Variants in VAV3 observed in about 807,000 individuals in gnomAD.
VAV3 encodes the protein vav guanine nucleotide exchange factor 3, also known as guanine nucleotide exchange factor VAV3.
A neutral mutation model predicts 131.2 loss-of-function variants in VAV3; 94 were observed. The observed-to-expected ratio is 0.72, with a 90% CI of 0.61 to 0.85. The LOEUF is 0.85. Among genes scored for constraint, VAV3 ranks in the 40% least tolerant of loss-of-function variants. The pLI, the probability that VAV3 is intolerant of heterozygous loss-of-function variation, is 0.00. For missense variants in VAV3, 939 were observed against 1,002.7 expected, an observed-to-expected ratio of 0.94 and a Z score of 0.86; for synonymous variants, 349 against 342.0, an observed-to-expected ratio of 1.02 and a Z score of -0.22.
chr1:107,604,501 C>G (rs1026853791), intron 22 of VAV3, among the ~76,000 whole-genome samples: 3 of 152,166 alleles, frequency 2.0e-5, no homozygotes, highest in African/African-American at 7.2e-5. Context: ...TCACTAGTCT[C>G]CAGCCTTCTT....
intron 2 of VAV3, among the ~76,000 whole-genome samples, chr1:107,821,302 G>A (rs1667782663): frequency 6.6e-6 from 1 of 152,140 alleles, no homozygotes; most frequent in Non-Finnish European, 1.5e-5. Flanking sequence ...ACAAAAAAGA[G>A]TAAGAATGTC....
intron 2 of VAV3, among the ~76,000 whole-genome samples, chr1:107,852,997 T>G (rs888101197): frequency 2.7e-5 from 4 of 149,342 alleles, no homozygotes; most frequent in Admixed American, 6.7e-5. Flanking sequence ...GGCTTGTAGG[T>G]TTTTTTTTTA....
At chr1:107,682,498 T>G (rs1445660660) in intron 19 of VAV3, among the ~76,000 whole-genome samples, 1 of 152,006 alleles carries the variant, frequency 6.6e-6, no homozygotes, top group Non-Finnish European at 1.5e-5. Context: ...AGAACCCCTG[T>G]TTTTTTAATG....
intron 9 of VAV3, among the ~76,000 whole-genome samples, chr1:107,764,417 T>C (rs1481385901): frequency 6.6e-6 from 1 of 152,264 alleles, no homozygotes; most frequent in African/African-American, 2.4e-5. Flanking sequence ...TCACATGTTA[T>C]TTAATCCTAC....
intron 19 of VAV3, among the ~76,000 whole-genome samples, chr1:107,662,333 A>C (rs1391914523): frequency 1.3e-5 from 2 of 152,176 alleles, no homozygotes; most frequent in Non-Finnish European, 2.9e-5. Flanking sequence ...AGCTCAAAAA[A>C]CATGCACAAA....
At chr1:107,806,437 T>C (rs1557858701) in intron 2 of VAV3, among the ~76,000 whole-genome samples, 2 of 152,056 alleles carry the variant, frequency 1.3e-5, no homozygotes, top group East Asian at 3.9e-4. Context: ...CTTGCTGCTG[T>C]ACATTTGATT....
chr1:107,659,535 G>A (rs1265181220), intron 19 of VAV3, among the ~76,000 whole-genome samples: 2 of 152,064 alleles, frequency 1.3e-5, no homozygotes, highest in Admixed American at 1.3e-4. Flanking sequence ...CAAAGTGATT[G>A]TTCTTTTTAT....
chr1:107,754,087 C>T (rs1405788159), intron 12 of VAV3, among the ~76,000 whole-genome samples: 3 of 152,108 alleles, frequency 2.0e-5, no homozygotes, highest in South Asian at 2.1e-4. Context: ...CCTTGTAATA[C>T]AGCAAAATAT....
Position 107,649,307 on chromosome 1 carries a change from C to A in VAV3, c.1778-6552G>T, listed in dbSNP as rs1002436796. Among the ~76,000 whole-genome samples the A allele has an allele frequency of 3.3e-5, 5 of 152,138 alleles. No individual in the cohort carries two copies. In the South Asian group the frequency reaches 8.3e-4, roughly 25 times the overall value. On this transcript the variant is annotated intron_variant, in intron 19 of 26. Coordinates refer to ENST00000370056, the MANE Select transcript of VAV3 (RefSeq NM_006113.5). ...GGCTTAACATGTGAGACACCAGCGG[C>A]TGAAGAGGAGGCCAAGAGAGACAGT...
At chr1:107,833,208 A>T (rs1668328715) in intron 2 of VAV3, among the ~76,000 whole-genome samples, 1 of 152,224 alleles carries the variant, frequency 6.6e-6, no homozygotes, top group Non-Finnish European at 1.5e-5. Context: ...TACTCCAGTA[A>T]ATACACAAAT....
At chr1:107,852,401 A>T (rs1439060011) in intron 2 of VAV3, among the ~76,000 whole-genome samples, 1 of 152,206 alleles carries the variant, frequency 6.6e-6, no homozygotes, top group Non-Finnish European at 1.5e-5. Context: ...ATAGAAAAGG[A>T]ATAAAAACCA....
intron 2 of VAV3, among the ~76,000 whole-genome samples, chr1:107,867,106 A>C (rs566569083): frequency 1.3e-5 from 2 of 152,338 alleles, no homozygotes; most frequent in Non-Finnish European, 2.9e-5. Flanking sequence ...ATATCTCATA[A>C]ATACAATATG....
chr1:107,765,430 A>G (rs926945534), intron 8 of VAV3, among the ~76,000 whole-genome samples: 1 of 152,230 alleles, frequency 6.6e-6, no homozygotes, highest in Non-Finnish European at 1.5e-5. Context: ...CAGAATTTAC[A>G]AACTGGCTTG....
intron 1 of VAV3, among the ~76,000 whole-genome samples, chr1:107,883,243 C>T (rs1216140836): frequency 6.6e-6 from 1 of 151,974 alleles, no homozygotes; most frequent in Non-Finnish European, 1.5e-5. Context: ...ACACATGCAC[C>T]CTCTTTGCTC....
At chr1:107,878,465 T>C (rs577550039) in intron 1 of VAV3, among the ~76,000 whole-genome samples, 2 of 152,314 alleles carry the variant, frequency 1.3e-5, no homozygotes, top group East Asian at 1.9e-4. Context: ...TTTAATGACA[T>C]TGACTTTTTG....
Position 107,573,221 on chromosome 1 carries a change from A to T in VAV3, c.*110T>A. The T allele has an allele frequency of 9.6e-6, 12 of 1,252,276 alleles. No individual in the cohort carries two copies. Among genetic ancestry groups the T allele is most frequent in the Non-Finnish European group, 1.2e-5 (11 of 890,154 alleles). 77.6% of individuals were successfully genotyped at this position (1,252,276 alleles called of 1,614,324 possible). ...GGGCTAAGGAGGGAGGATGTTGAAC[A>T]GCCAGAAATGCAGCTTTTTAAACAC... On this transcript the variant is annotated 3_prime_UTR_variant, in exon 27 of 27. Coordinates refer to ENST00000370056, the MANE Select transcript of VAV3 (RefSeq NM_006113.5).
rs2101436374 is a variant in VAV3 at position 107,965,163 on chromosome 1, A to G, written c.-294T>C. On this transcript the variant is annotated 5_prime_UTR_variant, in exon 1 of 27. Transcript: ENST00000370056. ...CTGCCGCGCACAGGCTTCCGACTCC[A>G]GCGCCCGGCCCGCCACTGAGCATGC... is the stretch of plus-strand genomic sequence containing the variant. 1 of 149,582 alleles carries G rather than the reference A, an allele frequency of 6.7e-6. No homozygotes were observed. Among genetic ancestry groups the G allele is most frequent in the Non-Finnish European group, 1.5e-5 (1 of 67,036 alleles). 9.3% of individuals were successfully genotyped at this position (149,582 alleles called of 1,614,324 possible). A position where few individuals can be genotyped will look rare whatever the true frequency, so the allele number is the denominator to read the frequency against.
intron 1 of VAV3, among the ~76,000 whole-genome samples, chr1:107,954,997 G>T (rs185276217): frequency 7.2e-5 from 11 of 152,302 alleles, no homozygotes; most frequent in Non-Finnish European, 1.5e-4. Flanking sequence ...ATGAGATAAT[G>T]CATGGAAAGC....
At chr1:107,758,582 C>T (rs930910244) in intron 10 of VAV3, among the ~76,000 whole-genome samples, 1 of 151,920 alleles carries the variant, frequency 6.6e-6, no homozygotes, top group African/African-American at 2.4e-5. Flanking sequence ...ACAACAAAAC[C>T]AGGTAATCAT....
Sources: allele counts gnomAD v4.1 joint callset (sites outside exome capture counted in the v4.1 genomes callset), GRCh38; gene constraint gnomAD v4.1.1; transcripts MANE v1.5; gene names NCBI Gene and HGNC (gene_info 2026-07-23, HGNC 2026-07-21).